Variants in SBF2 observed in about 807,000 individuals in gnomAD.
The protein encoded by SBF2 is myotubularin-related protein 13.
A neutral mutation model predicts 225.2 loss-of-function variants in SBF2; 112 were observed. That is an observed-to-expected ratio of 0.50 (90% confidence interval 0.43 to 0.58). The LOEUF (loss-of-function observed/expected upper bound fraction) is 0.58, where lower values mean the gene tolerates loss of function less well. Ranked by LOEUF, SBF2 falls within the 20% of genes least tolerant of loss-of-function variation. The pLI is 0.00. For missense variants in SBF2, 1,996 were observed against 2,206.2 expected, an observed-to-expected ratio of 0.90 and a Z score of 1.91; for synonymous variants, 763 against 773.3, an observed-to-expected ratio of 0.99 and a Z score of 0.22.
chr11:10,157,359 C>T (rs184942996), intron 2 of SBF2, among the ~76,000 whole-genome samples: 272 of 152,206 alleles, frequency 1.8e-3, no homozygotes, highest in African/African-American at 5.9e-3. Context: ...TAGGAACTGG[C>T]AAAGAATTCA....
At chr11:10,284,294 G>A (rs769517999) in intron 1 of SBF2, among the ~76,000 whole-genome samples, 1 of 152,048 alleles carries the variant, frequency 6.6e-6, no homozygotes, top group Non-Finnish European at 1.5e-5. Context: ...TGTGTATTTA[G>A]TTCTATGCAA....
rs1956871686 is a variant in SBF2 at position 10,184,887 on chromosome 11, C to T, written c.141+9015G>A. Among the ~76,000 whole-genome samples the T allele has an allele frequency of 2.6e-5, 4 of 152,158 alleles. No individual in the cohort carries two copies. The South Asian group carries it at 6.2e-4, about 24-fold the overall frequency. On this transcript the variant is annotated intron_variant, in intron 2 of 39. Coordinates refer to ENST00000256190, the MANE Select transcript of SBF2 (RefSeq NM_030962.4). ...GACTACAGGCGCCCACCACCACGCC[C>T]GGCTAATTTTTTGTATTTTTAGTAG...
intron 16 of SBF2, among the ~76,000 whole-genome samples, chr11:9,950,030 G>A (rs1565047296): frequency 6.6e-6 from 1 of 152,036 alleles, no homozygotes; most frequent in Non-Finnish European, 1.5e-5. Context: ...GGGAGATTGG[G>A]AGCATAATGC....
intron 1 of SBF2, among the ~76,000 whole-genome samples, chr11:10,290,528 C>G (rs1434615695): frequency 6.6e-6 from 1 of 151,890 alleles, no homozygotes; most frequent in African/African-American, 2.4e-5. Flanking sequence ...ACTCTTAGAT[C>G]CAGACTGGGG....
At chr11:9,973,995 T>A (rs993052534) in intron 13 of SBF2, among the ~76,000 whole-genome samples, 1 of 152,218 alleles carries the variant, frequency 6.6e-6, no homozygotes, top group Non-Finnish European at 1.5e-5. Flanking sequence ...CACAAATTTT[T>A]TTTCTAATAC....
At chr11:9,900,113 T>C (rs1861609625) in intron 16 of SBF2, among the ~76,000 whole-genome samples, 1 of 151,784 alleles carries the variant, frequency 6.6e-6, no homozygotes. Flanking sequence ...GTATACAGCA[T>C]TTGTAAACCC....
chr11:9,856,467 A>C lies in SBF2; in HGVS notation c.2354T>G (p.Val785Gly). 6.2e-7 allele frequency: 1 copy of C among 1,613,860 alleles called. No homozygotes were observed. The highest frequency in any genetic ancestry group is 8.5e-7 in the Non-Finnish European group (1 of 1,180,024). ...GDWESGSNSI[V>G]TNSIAGSVAE... ...GTTCACATTTTGGTACCTGTTTGTGACAATGCTGTTGCTTCCGCTCTCCCA... is the reference window on the plus strand; with the variant it reads ...GTTCACATTTTGGTACCTGTTTGTGCCAATGCTGTTGCTTCCGCTCTCCCA... The change falls in exon 19 of 40, where the codon GTC becomes GGC. Residue 785 changes from valine to glycine, a missense_variant. Transcript: ENST00000256190.
chr11:9,954,526 C>A (rs752402696), intron 16 of SBF2, among the ~76,000 whole-genome samples: 4 of 152,150 alleles, frequency 2.6e-5, no homozygotes, highest in Non-Finnish European at 5.9e-5. Flanking sequence ...GGCCTCTATA[C>A]AACGTTCAAC....
chr11:10,235,079 C>T (rs1405825553), intron 1 of SBF2, among the ~76,000 whole-genome samples: 9 of 152,182 alleles, frequency 5.9e-5, no homozygotes. Flanking sequence ...AAATACCTTC[C>T]TTACGGTACT....
intron 2 of SBF2, among the ~76,000 whole-genome samples, chr11:10,129,949 G>T (rs1390738561): frequency 6.6e-6 from 1 of 152,120 alleles, no homozygotes; most frequent in Non-Finnish European, 1.5e-5. Flanking sequence ...GGTCAAGACT[G>T]CAGTGAGCCA....
chr11:9,875,096 A>AC (rs1859109276), intron 17 of SBF2, among the ~76,000 whole-genome samples: 4 of 152,228 alleles, frequency 2.6e-5, no homozygotes. Context: ...CAAGCTGTTT[A>AC]CCTAGTGGCC....
At chr11:9,839,794 G>A in intron 25 of SBF2, 98 bp from the exon 26 acceptor site, 1 of 1,276,452 alleles carries the variant, frequency 7.8e-7, no homozygotes. Context: ...ATCTGAAACT[G>A]TGATGGTAGA....
chr11:9,967,935 G>GTCTCTCTC (rs1469233412), intron 14 of SBF2, among the ~76,000 whole-genome samples: 46 of 114,566 alleles, frequency 4.0e-4, no homozygotes, highest in Non-Finnish European at 7.0e-4. Context: ...CTGTCTGTCT[G>GTCTCTCTC]TCTGTCTGTC....
At chr11:10,094,965 C>A (rs1951956796) in intron 2 of SBF2, among the ~76,000 whole-genome samples, 1 of 150,824 alleles carries the variant, frequency 6.6e-6, no homozygotes, top group Admixed American at 6.6e-5. Flanking sequence ...AGGTTATGGC[C>A]AGCTGAGAAA....
At chr11:10,147,720 A>G (rs1048712427) in intron 2 of SBF2, among the ~76,000 whole-genome samples, 4 of 152,178 alleles carry the variant, frequency 2.6e-5, no homozygotes, top group African/African-American at 7.2e-5. Flanking sequence ...AACTATAACA[A>G]AAGTTTAAAA....
At chr11:9,928,894 T>C (rs1046599186) in intron 16 of SBF2, 1 of 375,448 alleles carries the variant, frequency 2.7e-6, no homozygotes, top group Non-Finnish European at 5.2e-6. Flanking sequence ...TTTTAGACTA[T>C]GAAAATGATG....
At chr11:9,942,618 C>A (rs1865320682) in intron 16 of SBF2, among the ~76,000 whole-genome samples, 1 of 152,038 alleles carries the variant, frequency 6.6e-6, no homozygotes, top group African/African-American at 2.4e-5. Context: ...TATTATAAAA[C>A]TTTAATTAAG....
intron 17 of SBF2, among the ~76,000 whole-genome samples, chr11:9,863,598 A>G (rs1857941051): frequency 1.3e-5 from 2 of 152,208 alleles, no homozygotes; most frequent in Admixed American, 6.5e-5. Flanking sequence ...AATCACTTTA[A>G]TAATTAATTT....
intron 1 of SBF2, among the ~76,000 whole-genome samples, chr11:10,198,712 C>T (rs1348579486): frequency 1.3e-5 from 2 of 152,236 alleles, no homozygotes; most frequent in African/African-American, 4.8e-5. Flanking sequence ...CTGCCCTCAT[C>T]ATCTTAGCTA....
Sources: gnomAD v4.1 joint callset for allele counts (sites outside exome capture counted in the v4.1 genomes callset) on GRCh38, gnomAD v4.1.1 for gene constraint, MANE v1.5 for transcripts, NCBI Gene and HGNC (gene_info 2026-07-23, HGNC 2026-07-21) for gene names.